Variants in GSR observed in about 807,000 individuals in gnomAD.
GSR encodes the protein glutathione-disulfide reductase, also known as glutathione reductase, mitochondrial.
GSR carries 48 observed loss-of-function variants against 56.5 expected under a neutral mutation model. The observed-to-expected ratio is 0.85, with a 90% CI of 0.67 to 1.08. The LOEUF is 1.08. Ranked by LOEUF, GSR falls within the 50% of genes least tolerant of loss-of-function variation. The pLI is 0.00. For synonymous variants in GSR, 264 were observed against 270.8 expected, an observed-to-expected ratio of 0.97 and a Z score of 0.25; for missense variants, 694 against 703.3, an observed-to-expected ratio of 0.99 and a Z score of 0.15.
At position 30,727,526 on chromosome 8, in the gene GSR, T is replaced by A; in HGVS notation, c.306+4A>T. On this transcript the variant is annotated splice_donor_region_variant and intron_variant, in intron 1 of 12. Coordinates refer to ENST00000221130, the MANE Select transcript of GSR (RefSeq NM_000637.5). ...CCCCGCCCGAACAAACCGGCGGTACTCACGCAAGTGCCACCCAGCTTGTGG... is the reference window on the plus strand; with the variant it reads ...CCCCGCCCGAACAAACCGGCGGTACACACGCAAGTGCCACCCAGCTTGTGG... 2 of 1,537,040 alleles carry A rather than the reference T, an allele frequency of 1.3e-6. No homozygotes were observed. Among genetic ancestry groups the A allele is most frequent in the Non-Finnish European group, 1.7e-6 (2 of 1,144,794 alleles).
At chr8:30,722,512 G>A (rs1221872218) in intron 1 of GSR, among the ~76,000 whole-genome samples, 1 of 152,182 alleles carries the variant, frequency 6.6e-6, no homozygotes, top group East Asian at 1.9e-4. Context: ...GACTGCTTGA[G>A]CTCAGGAGTT....
At chr8:30,715,550 T>C (rs1478840617) in intron 1 of GSR, among the ~76,000 whole-genome samples, 1 of 152,114 alleles carries the variant, frequency 6.6e-6, no homozygotes. Flanking sequence ...CAACCTGCCT[T>C]TTCCAGTTAT....
Position 30,727,682 on chromosome 8 carries a change from G to A in GSR, c.154C>T (p.Pro52Ser), listed in dbSNP as rs746494324. The A allele has an allele frequency of 3.5e-6, 5 of 1,440,184 alleles. No individual in the cohort carries two copies. The highest frequency in any genetic ancestry group is 4.5e-6 in the Non-Finnish European group (5 of 1,106,384). The allele number at this position is 1,440,184 out of a possible 1,614,324, so 89.2% of individuals were successfully genotyped here. ...CCAGCAGCGGGCGGCGGGCCCTGCG[G>A]CTGCGGCTCCTGCCTGCAGGCCATG... ...RAMACRQEPQPQGPPPAAGAV... is the reference protein window; with the variant it reads ...RAMACRQEPQSQGPPPAAGAV... The change falls in exon 1 of 13, where the codon CCG (proline) becomes TCG (serine). Residue 52 changes from proline to serine, a missense_variant. Pro to Ser is a moderately conservative substitution (Grantham distance 74). Transcript: ENST00000221130.
intron 1 of GSR, among the ~76,000 whole-genome samples, chr8:30,721,223 TC>T (rs1378209704): frequency 6.6e-6 from 1 of 152,090 alleles, no homozygotes; most frequent in Non-Finnish European, 1.5e-5. Context: ...CCATCTCCCG[TC>T]CCCCAAAAAG....
At chr8:30,689,101 A>G (rs1269513855) in intron 9 of GSR, 60 bp downstream of exon 9, 1 of 1,527,584 alleles carries the variant, frequency 6.5e-7, no homozygotes, top group African/African-American at 1.4e-5. Flanking sequence ...TGGGGGGAAA[A>G]TAAAACCATA....
chr8:30,708,539 C>T (rs939852320), intron 3 of GSR, among the ~76,000 whole-genome samples: 11 of 152,200 alleles, frequency 7.2e-5, no homozygotes, highest in Admixed American at 4.6e-4. Flanking sequence ...AATAGTTAAA[C>T]ACAAAACTAC....
chr8:30,722,063 C>T, intron 1 of GSR, among the ~76,000 whole-genome samples: 1 of 151,246 alleles, frequency 6.6e-6, no homozygotes, highest in East Asian at 1.9e-4. Flanking sequence ...GTATGTTTTA[C>T]AAAGAAATAG....
At chr8:30,697,121 A>C (rs1297575044) in intron 6 of GSR, among the ~76,000 whole-genome samples, 1 of 152,144 alleles carries the variant, frequency 6.6e-6, no homozygotes, top group Non-Finnish European at 1.5e-5. Flanking sequence ...TCTCTACAAA[A>C]ACATAAAAGT....
rs763647057 is a variant in GSR, at chr8:30,679,499, G to A, written c.*21C>T. ...AGAAGATCTATGGGTCCCACTGCCC[G>A]CCACACGTGTCTCCTGGTTCTCAAC... is the stretch of plus-strand genomic sequence containing the variant. On this transcript the variant is annotated 3_prime_UTR_variant, in exon 13 of 13. Transcript: ENST00000221130. 48 of 1,611,276 alleles carry A rather than the reference G, an allele frequency of 3.0e-5. No homozygotes were observed. Among genetic ancestry groups the A allele is most frequent in the Admixed American group, 1.7e-4 (10 of 59,942 alleles).
chr8:30,696,798 C>T (rs1803558464), intron 6 of GSR, among the ~76,000 whole-genome samples: 1 of 152,086 alleles, frequency 6.6e-6, no homozygotes, highest in African/African-American at 2.4e-5. Flanking sequence ...AGGACTCAAG[C>T]CATCCTCCAG....
At chr8:30,702,371 T>C (rs1172974230) in intron 5 of GSR, among the ~76,000 whole-genome samples, 1 of 152,118 alleles carries the variant, frequency 6.6e-6, no homozygotes, top group Non-Finnish European at 1.5e-5. Context: ...AAAGAAGTTA[T>C]GACCATCTCT....
At chr8:30,686,477 G>C (rs888709890) in intron 9 of GSR, among the ~76,000 whole-genome samples, 2 of 152,048 alleles carry the variant, frequency 1.3e-5, no homozygotes, top group African/African-American at 4.8e-5. Context: ...CTTGAGCCCA[G>C]TTCAAAATTA....
In GSR at chr8:30,694,395, G is replaced by C. The variant is rs747013340; in HGVS notation, c.796-1340C>G. Among the ~76,000 whole-genome samples the C allele has an allele frequency of 7.0e-4, 106 of 152,258 alleles. 1 individual carries two copies. Among genetic ancestry groups the C allele is most frequent in the Middle Eastern group, 3.4e-3 (1 of 294 alleles). On this transcript the variant is annotated intron_variant, in intron 7 of 12. Transcript: ENST00000221130. The stretch of plus-strand genomic sequence containing the variant: ...CACAATCTTTGCTCACTGCAGCCTT[G>C]ACCTCCTGGATTCAAGTGATTCTCC...
intron 8 of GSR, among the ~76,000 whole-genome samples, chr8:30,692,711 AG>A (rs1174599187): frequency 6.6e-6 from 1 of 151,806 alleles, no homozygotes; most frequent in African/African-American, 2.4e-5. Context: ...CATGTTGGCC[AG>A]GCTGTTCTCG....
intron 9 of GSR, among the ~76,000 whole-genome samples, chr8:30,685,051 C>T (rs1228148997): frequency 2.6e-5 from 4 of 151,798 alleles, no homozygotes; most frequent in African/African-American, 4.8e-5. Flanking sequence ...GCTCTGCCTC[C>T]CAGGTTCACG....
intron 4 of GSR, among the ~76,000 whole-genome samples, chr8:30,705,415 A>G (rs1803887612): frequency 6.6e-6 from 1 of 152,006 alleles, no homozygotes; most frequent in Non-Finnish European, 1.5e-5. Flanking sequence ...GGCGCCCGCC[A>G]CCACACCTGG....
Position 30,680,905 on chromosome 8 carries a change from T to C in GSR, c.1418A>G (p.Lys473Arg). Residue 473 changes from lysine (K) to arginine (R), a missense_variant and splice_region_variant, in exon 12 of 13, where the codon AAG becomes AGG. Physicochemically the swap from Lys to Arg is conservative, Grantham distance 26. Coordinates refer to ENST00000221130, the MANE Select transcript of GSR (RefSeq NM_000637.5). ...TTAGTTTGCTGGATTTTTCCTTACC[T>C]TTTCTTCCTTGTTAGCACAGACCAT... is the stretch of plus-strand genomic sequence containing the variant. ...MKMVCANKEE[K>R]VVGIHMQGLG... is the part of the protein sequence containing the mutation. The C allele has an allele frequency of 6.2e-7, 1 of 1,613,294 alleles. No homozygotes were observed. The highest frequency in any genetic ancestry group is 1.1e-5 in the South Asian group (1 of 91,068).
At chr8:30,716,637 G>C (rs1280281259) in intron 1 of GSR, among the ~76,000 whole-genome samples, 1 of 152,078 alleles carries the variant, frequency 6.6e-6, no homozygotes, top group Admixed American at 6.6e-5. Flanking sequence ...GTGAAACACT[G>C]TCTCTAGAAA....
intron 6 of GSR, 43 bp from the exon 7 acceptor site, chr8:30,696,522 T>A: frequency 7.7e-7 from 1 of 1,291,788 alleles, no homozygotes; most frequent in Non-Finnish European, 1.1e-6. Context: ...ATAAACTAAT[T>A]TTGGAATAAT....
Sources: allele counts gnomAD v4.1 joint callset (sites outside exome capture counted in the v4.1 genomes callset), GRCh38; gene constraint gnomAD v4.1.1; transcripts MANE v1.5; gene names NCBI Gene and HGNC (gene_info 2026-07-23, HGNC 2026-07-21).